Variants in PATJ observed in about 807,000 individuals in gnomAD.
PATJ encodes the protein PATJ crumbs cell polarity complex component.
Under a neutral mutation model 224.9 loss-of-function variants are expected in PATJ, and 190 were observed. That is an observed-to-expected ratio of 0.84 (90% confidence interval 0.75 to 0.95). The LOEUF (loss-of-function observed/expected upper bound fraction) is 0.95, where lower values mean the gene tolerates loss of function less well. Among genes scored for constraint, PATJ ranks in the 40% least tolerant of loss-of-function variants. The pLI is 0.00. For synonymous variants in PATJ, 769 were observed against 820.3 expected, an observed-to-expected ratio of 0.94 and a Z score of 1.07; for missense variants, 2,121 against 2,270.3, an observed-to-expected ratio of 0.93 and a Z score of 1.34.
At chr1:61,920,959 GCCT>G (rs1409550871) in intron 26 of PATJ, among the ~76,000 whole-genome samples, 4 of 152,098 alleles carry the variant, frequency 2.6e-5, no homozygotes, top group African/African-American at 9.7e-5. Context: ...ACCCGCCTCA[GCCT>G]CCCAAAGTGC....
At chr1:62,015,116 A>G (rs1282841456) in intron 28 of PATJ, among the ~76,000 whole-genome samples, 2 of 151,942 alleles carry the variant, frequency 1.3e-5, no homozygotes, top group African/African-American at 2.4e-5. Flanking sequence ...CCTGGCCAAC[A>G]TAGTGAAACC....
intron 4 of PATJ, among the ~76,000 whole-genome samples, chr1:61,768,917 T>G (rs965418823): frequency 4.0e-5 from 6 of 151,868 alleles, no homozygotes; most frequent in Admixed American, 3.9e-4. Context: ...AAAAATAAAA[T>G]AAAAATGTAC....
intron 30 of PATJ, among the ~76,000 whole-genome samples, chr1:62,046,345 A>T (rs1652573483): frequency 6.6e-6 from 1 of 152,222 alleles, no homozygotes; most frequent in Admixed American, 6.5e-5. Flanking sequence ...ATGAATGTGA[A>T]CATCAAACTG....
rs1218856613 is a variant in PATJ at position 62,144,775 on chromosome 1, A to ATATATATATAT, written c.5272-3509_5272-3508insTATATATATAT. Among the ~76,000 whole-genome samples, 80 of 90,840 alleles carry ATATATATATAT rather than the reference A, an allele frequency of 8.8e-4. 1 individual carries two copies. The highest frequency in any genetic ancestry group is 3.1e-3 in the African/African-American group (80 of 25,564). 59.6% of individuals were successfully genotyped at this position (90,840 alleles called of 152,430 possible). ...TCTAGAATGTTATTTGCAAAAAAAA[A>ATATATATATAT]AAATATATATATATATATATAATTA... On this transcript the variant is annotated intron_variant, in intron 41 of 43. Coordinates refer to ENST00000642238, the MANE Select transcript of PATJ (RefSeq NM_001350145.3).
In PATJ at chr1:61,985,085, G is replaced by A. The variant is rs529584168; in HGVS notation, c.3671-5083G>A. 2.0e-5 allele frequency among the ~76,000 whole-genome samples: 3 copies of A among 152,150 alleles called. No individual in the cohort carries two copies. In the South Asian group the frequency reaches 6.2e-4, roughly 32 times the overall value. On this transcript the variant is annotated intron_variant, in intron 27 of 43. Coordinates refer to ENST00000642238, the MANE Select transcript of PATJ (RefSeq NM_001350145.3). Reference sequence around the variant, plus strand: ...TCCCAGCACTTTGGGAGGCCGTTGTGGGCGGATCACAAGGTCAAGAGATCA... The same window carrying A: ...TCCCAGCACTTTGGGAGGCCGTTGTAGGCGGATCACAAGGTCAAGAGATCA...
chr1:61,751,363 T>C (rs1209382779), intron 1 of PATJ, among the ~76,000 whole-genome samples: 1 of 152,020 alleles, frequency 6.6e-6, no homozygotes, highest in African/African-American at 2.4e-5. Context: ...GCGGGTAAAA[T>C]TGAATAGCAT....
In PATJ at chr1:61,773,209, A is replaced by G. The variant is rs150295993; in HGVS notation, c.720+1583A>G. Among the ~76,000 whole-genome samples, 101 of 152,190 alleles carry G rather than the reference A, an allele frequency of 6.6e-4. 3 individuals are homozygous for G. In the East Asian group the frequency reaches 0.019, roughly 29 times the overall value. On this transcript the variant is annotated intron_variant, in intron 6 of 43. Coordinates refer to ENST00000642238, the MANE Select transcript of PATJ (RefSeq NM_001350145.3). The stretch of plus-strand genomic sequence containing the variant: ...GCTAATTTTTTTGTACTTTTGGTAG[A>G]GATGGGGTTTCACCATGTTGGCCAG...
intron 33 of PATJ, among the ~76,000 whole-genome samples, chr1:62,094,786 CCTT>C (rs1405587805): frequency 6.6e-6 from 1 of 152,034 alleles, no homozygotes; most frequent in African/African-American, 2.4e-5. Context: ...CCATTTTCTT[CCTT>C]CTTGAGGGAT....
intron 29 of PATJ, among the ~76,000 whole-genome samples, chr1:62,020,477 A>G (rs1024823440): frequency 6.6e-6 from 1 of 152,214 alleles, no homozygotes; most frequent in African/African-American, 2.4e-5. Context: ...GTTGGGAAAT[A>G]AAACCCTCCT....
intron 41 of PATJ, among the ~76,000 whole-genome samples, chr1:62,134,043 G>A (rs1004646332): frequency 1.3e-5 from 2 of 151,966 alleles, no homozygotes; most frequent in Non-Finnish European, 2.9e-5. Context: ...ACCGTGCCCA[G>A]CCAATTTTGC....
At chr1:61,955,597 G>C (rs939175097) in intron 27 of PATJ, among the ~76,000 whole-genome samples, 1 of 152,162 alleles carries the variant, frequency 6.6e-6, no homozygotes, top group Non-Finnish European at 1.5e-5. Context: ...TATAGTGATA[G>C]CTAATCCAAG....
intron 41 of PATJ, among the ~76,000 whole-genome samples, chr1:62,147,350 G>A (rs1014696396): frequency 2.0e-5 from 3 of 152,152 alleles, no homozygotes; most frequent in Non-Finnish European, 2.9e-5. Flanking sequence ...GAAGCCAAAC[G>A]AAGAAATGAA....
intron 41 of PATJ, 131 bp from the exon 42 acceptor site, chr1:62,148,153 T>C (rs1668258651): frequency 2.3e-6 from 1 of 443,736 alleles, no homozygotes; most frequent in Admixed American, 3.8e-5. Context: ...TTTGAGAGAA[T>C]AGTCCTTGTG....
At chr1:62,110,760 A>G (rs1663701404) in intron 34 of PATJ, among the ~76,000 whole-genome samples, 1 of 152,168 alleles carries the variant, frequency 6.6e-6, no homozygotes. Context: ...TTTCCTTCTC[A>G]AGAACTGTGT....
At chr1:62,107,325 G>A (rs1663214659) in intron 33 of PATJ, among the ~76,000 whole-genome samples, 2 of 151,286 alleles carry the variant, frequency 1.3e-5, no homozygotes, top group Admixed American at 6.6e-5. Flanking sequence ...AAAAGGAGAA[G>A]CTGTGTCCCT....
intron 33 of PATJ, among the ~76,000 whole-genome samples, chr1:62,087,932 C>G (rs989251231): frequency 2.0e-5 from 3 of 149,988 alleles, no homozygotes; most frequent in African/African-American, 7.4e-5. Context: ...GCTCTCCTTG[C>G]CCAGGCTGAA....
chr1:61,841,339 A>G (rs1473630628), intron 17 of PATJ, among the ~76,000 whole-genome samples: 1 of 152,170 alleles, frequency 6.6e-6, no homozygotes, highest in Non-Finnish European at 1.5e-5. Flanking sequence ...TAGCCTGTGC[A>G]AGCCTACTGT....
intron 9 of PATJ, among the ~76,000 whole-genome samples, chr1:61,792,245 C>G (rs1650038027): frequency 1.3e-5 from 2 of 152,138 alleles, no homozygotes; most frequent in Non-Finnish European, 2.9e-5. Flanking sequence ...GCCTAATGAA[C>G]TATCTTTTTT....
At chr1:61,943,264 A>G (rs927821362) in intron 27 of PATJ, among the ~76,000 whole-genome samples, 25 of 152,210 alleles carry the variant, frequency 1.6e-4, no homozygotes, top group African/African-American at 5.8e-4. Flanking sequence ...CTTGTCAGAC[A>G]GTAGGTGCAG....
Sources: gnomAD v4.1 joint callset for allele counts (sites outside exome capture counted in the v4.1 genomes callset) on GRCh38, gnomAD v4.1.1 for gene constraint, MANE v1.5 for transcripts, NCBI Gene and HGNC (gene_info 2026-07-23, HGNC 2026-07-21) for gene names.